The following DENND2B variants were observed in gnomAD, a reference collection of about 807,000 sequenced individuals.
DENND2B encodes the protein DENN domain containing 2B, also known as DENN domain-containing protein 2B.
In DENND2B, 32 loss-of-function variants were observed where a neutral mutation model predicts 116.0. That is an observed-to-expected ratio of 0.28 (90% CI 0.21 to 0.37). The LOEUF (loss-of-function observed/expected upper bound fraction) is 0.37. Ranked by LOEUF, DENND2B falls within the 10% of genes least tolerant of loss-of-function variation. The pLI is 1.00. For missense variants in DENND2B, 1,276 were observed against 1,477.7 expected (o/e 0.86, Z 2.24); for synonymous variants, 588 against 583.9 (o/e 1.01, Z -0.10).
intron 1 of DENND2B, among the ~76,000 whole-genome samples, chr11:8,886,060 C>T (rs1428617437): frequency 6.6e-6 from 1 of 152,032 alleles, no homozygotes; most frequent in Non-Finnish European, 1.5e-5. Context: ...CCTGCCTCAG[C>T]CTCCCATGTA....
intron 1 of DENND2B, chr11:8,809,712 TGG>T (rs1341262086): frequency 1.3e-5 from 2 of 152,158 alleles, no homozygotes; most frequent in Non-Finnish European, 2.9e-5. Context: ...CCCTGAGATT[TGG>T]TCAAAATGTA....
intron 2 of DENND2B, among the ~76,000 whole-genome samples, chr11:8,868,941 C>G (rs762232600): frequency 2.6e-5 from 4 of 152,210 alleles, no homozygotes; most frequent in Non-Finnish European, 4.4e-5. Flanking sequence ...CTGAGTGTGG[C>G]CCAACACAAA....
chr11:8,696,594 G>A lies in DENND2B; in HGVS notation c.3125C>T (p.Ser1042Phe). 6.2e-7 allele frequency: 1 copy of A among 1,614,168 alleles called. No individual in the cohort carries two copies. The highest frequency in any genetic ancestry group is 1.1e-5 in the South Asian group (1 of 91,068). The part of the protein sequence containing the change: ...RFFVETVGHY[S>F]LFLTQSEKGE... ...CTTCTCACTCTGTGTCAGAAAGAGG[G>A]AGTAGTGCCCAACGGTCTCCACAAA... Residue 1042 changes from serine to phenylalanine, a missense_variant, in exon 18 of 20, where the codon TCC becomes TTC. Transcript: ENST00000313726.
At chr11:8,886,709 C>T (rs925058824) in intron 1 of DENND2B, among the ~76,000 whole-genome samples, 1 of 151,838 alleles carries the variant, frequency 6.6e-6, no homozygotes, top group African/African-American at 2.4e-5. Context: ...TCACTTTTAA[C>T]ATACATGAAC....
chr11:8,713,669 C>T (rs1178781336), intron 8 of DENND2B, among the ~76,000 whole-genome samples: 1 of 152,130 alleles, frequency 6.6e-6, no homozygotes, highest in Non-Finnish European at 1.5e-5. Context: ...CATGAGCCAC[C>T]GCGCCCGGCT....
intron 4 of DENND2B, among the ~76,000 whole-genome samples, chr11:8,723,967 C>T (rs901778927): frequency 1.3e-5 from 2 of 152,228 alleles, no homozygotes; most frequent in Admixed American, 1.3e-4. Flanking sequence ...GCTGTGAAAC[C>T]AATGGCTCAG....
chr11:8,853,721 G>C (rs543195891), intron 3 of DENND2B, among the ~76,000 whole-genome samples: 1 of 152,142 alleles, frequency 6.6e-6, no homozygotes, highest in African/African-American at 2.4e-5. Context: ...GGTAGAAAAA[G>C]AATATAAATA....
intron 4 of DENND2B, chr11:8,718,096 A>ACACCCCCCCCCCCCCCCCCCCCC: frequency 1.5e-5 from 1 of 65,008 alleles, no homozygotes; most frequent in South Asian, 1.1e-4. Context: ...AAGCAGACCC[A>ACACCCCCCCCCCCCCCCCCCCCC]CCCCCCCACC....
intron 3 of DENND2B, among the ~76,000 whole-genome samples, chr11:8,856,752 CTTTTTTT>C (rs397961269): frequency 7.0e-6 from 1 of 143,466 alleles, no homozygotes; most frequent in African/African-American, 2.6e-5. Flanking sequence ...TCACTATTTT[CTTTTTTT>C]TTTTTTTCTT....
At position 8,823,522 on chromosome 11, in the gene DENND2B, A is replaced by G. The variant is rs916421396; in HGVS notation, c.-114-12187T>C. Among the ~76,000 whole-genome samples, 8 of 152,270 alleles carry G rather than the reference A, an allele frequency of 5.3e-5. No homozygotes were observed. In the East Asian group the frequency reaches 5.8e-4, roughly 11 times the overall value. On this transcript the variant is annotated intron_variant, in intron 4 of 6. Coordinates refer to the DENND2B transcript ENST00000524757. ...CCCCAGGTGTCATGGGAAGGATCCA[A>G]TGGGAAGTGATTAGGTCATGGGGGC... is the stretch of plus-strand genomic sequence containing the variant.
chr11:8,887,020 G>A (rs1594341623), intron 1 of DENND2B, among the ~76,000 whole-genome samples: 1 of 152,134 alleles, frequency 6.6e-6, no homozygotes, highest in African/African-American at 2.4e-5. Context: ...TAGAGATGGG[G>A]TTTCTCCATG....
chr11:8,801,969 G>A (rs963816790), intron 1 of DENND2B, among the ~76,000 whole-genome samples: 10 of 128,540 alleles, frequency 7.8e-5, no homozygotes, highest in Admixed American at 8.7e-5. Flanking sequence ...TCTAGCCTGT[G>A]TGACACAGTA....
At position 8,750,668 on chromosome 11, in the gene DENND2B, G is replaced by C; in HGVS notation, c.33C>G (p.Ile11Met). Reference protein sequence around the residue: MTMTANKNSSITHGAGGTKAP... With the variant: MTMTANKNSSMTHGAGGTKAP... ...CTTTAGTGCCACCAGCTCCGTGGGT[G>C]ATGCTGGAATTCTTGTTGGCAGTCA... Residue 11 changes from isoleucine to methionine, a missense_variant, in exon 2 of 20, where the codon ATC becomes ATG. Physicochemically the swap from Ile to Met is conservative, Grantham distance 10. Around this residue, in one of 2 missense-constraint regions of DENND2B, gnomAD observed 856 missense variants for 846.6 expected, o/e 1.01. Coordinates refer to ENST00000313726, the MANE Select transcript of DENND2B (RefSeq NM_213618.2). The C allele has an allele frequency of 6.2e-7, 1 of 1,614,186 alleles. No individual in the cohort carries two copies. Among genetic ancestry groups the C allele is most frequent in the South Asian group, 1.1e-5 (1 of 91,084 alleles).
At chr11:8,858,332 G>A (rs1162401583) in intron 2 of DENND2B, among the ~76,000 whole-genome samples, 1 of 152,076 alleles carries the variant, frequency 6.6e-6, no homozygotes, top group Admixed American at 6.5e-5. Context: ...AAAGCAGACA[G>A]GAAAAACACA....
At chr11:8,696,339 T>C (rs940774385) in intron 18 of DENND2B, 88 bp downstream of exon 18, 6 of 1,553,712 alleles carry the variant, frequency 3.9e-6, no homozygotes, top group East Asian at 4.5e-5. Context: ...CCCTAGCTGA[T>C]GTCCAAGAGC....
intron 3 of DENND2B, among the ~76,000 whole-genome samples, chr11:8,854,710 T>C (rs2063134767): frequency 1.3e-5 from 2 of 151,876 alleles, no homozygotes. Context: ...ACTCTATCTC[T>C]ATAAATTATT....
At chr11:8,863,802 G>A (rs910305544) in intron 2 of DENND2B, among the ~76,000 whole-genome samples, 4 of 152,062 alleles carry the variant, frequency 2.6e-5, no homozygotes, top group Admixed American at 2.0e-4. Context: ...AGTGACTACT[G>A]AAAAGTACAA....
In DENND2B at chr11:8,818,893, A is replaced by T. The variant is rs543572381; in HGVS notation, c.-114-7558T>A. Among the ~76,000 whole-genome samples the T allele has an allele frequency of 1.7e-3, 254 of 152,320 alleles. 1 individual carries two copies. Among genetic ancestry groups the T allele is most frequent in the African/African-American group, 6.0e-3 (249 of 41,562 alleles). On this transcript the variant is annotated intron_variant, in intron 4 of 6. Coordinates refer to the DENND2B transcript ENST00000524757. ...GATGCTTAACACCTCACAGTAGTCC[A>T]GAGTGTCCAAGATGGGGTGTGTATA...
At chr11:8,841,728 A>G (rs902528248) in intron 3 of DENND2B, among the ~76,000 whole-genome samples, 1 of 152,234 alleles carries the variant, frequency 6.6e-6, no homozygotes, top group Admixed American at 6.5e-5. Flanking sequence ...AACTGGTAGC[A>G]GATGAATTCA....
Sources: gnomAD v4.1 joint callset for allele counts (sites outside exome capture counted in the v4.1 genomes callset) on GRCh38, gnomAD v4.1.1 for gene constraint, gnomAD v4.1.1 regional missense constraint, MANE v1.5 for transcripts, NCBI Gene and HGNC (gene_info 2026-07-23, HGNC 2026-07-21) for gene names.